USP9Y: variants seen among roughly 807,000 people sequenced by gnomAD.
USP9Y encodes the protein ubiquitin carboxyl-terminal hydrolase 9Y.
In USP9Y, 41 loss-of-function variants were observed where a neutral mutation model predicts 53.1. The ratio of observed to expected loss-of-function variants is 0.77; its 90% CI spans 0.60 to 1.00. The LOEUF (loss-of-function observed/expected upper bound fraction) is 1.00, where lower values mean the gene tolerates loss of function less well. USP9Y is among the 50% of genes least tolerant of loss of function. The pLI is 0.00. For synonymous variants in USP9Y, 220 were observed against 173.7 expected, an observed-to-expected ratio of 1.27 and a Z score of -2.09; for missense variants, 567 against 535.8, an observed-to-expected ratio of 1.06 and a Z score of -0.58.
At chrY:12,766,929 CT>C (rs2053480335) in intron 15 of USP9Y, among the ~76,000 whole-genome samples, 1 of 33,150 alleles carries the variant, frequency 3.0e-5, no homozygotes, top group Non-Finnish European at 7.4e-5. Flanking sequence ...CTTCACCTTC[CT>C]TTTTGCTGGG....
Position 12,796,888 on chromosome Y carries a change from T to C in USP9Y, c.3983+3687T>C, listed in dbSNP as rs750778556. On this transcript the variant is annotated intron_variant, in intron 27 of 45. Transcript: ENST00000338981. ...CAACCTGTTTCATCAGCAAGGTCTTTATGATCTGTATCTTGTACCAACCTC... is the reference window on the plus strand; with the variant it reads ...CAACCTGTTTCATCAGCAAGGTCTTCATGATCTGTATCTTGTACCAACCTC... 6.0e-4 allele frequency among the ~76,000 whole-genome samples: 20 copies of C among 33,255 alleles called. No homozygotes were observed. In the East Asian group the frequency reaches 0.014, roughly 23 times the overall value. The allele number at this position is 33,255 out of a possible 37,273, so 89.2% of individuals were successfully genotyped here.
intron 10 of USP9Y, among the ~76,000 whole-genome samples, chrY:12,737,127 A>G: frequency 9.6e-5 from 3 of 31,234 alleles, no homozygotes; most frequent in Non-Finnish European, 2.3e-4. Flanking sequence ...GGCGCCTGCA[A>G]CCACGCCTGG....
chrY:12,747,520 C>T (rs2148282845), intron 12 of USP9Y, among the ~76,000 whole-genome samples: 1 of 34,083 alleles, frequency 2.9e-5, no homozygotes, highest in Admixed American at 2.6e-4. Context: ...AAAAGAAAAA[C>T]ACCAGGGCCT....
At chrY:12,779,215 G>C (rs2053496363) in intron 21 of USP9Y, among the ~76,000 whole-genome samples, 1 of 32,492 alleles carries the variant, frequency 3.1e-5, no homozygotes, top group South Asian at 6.8e-4. Flanking sequence ...AGGGAGTGAG[G>C]TGCCTTTTGT....
chrY:12,816,091 A>G, intron 31 of USP9Y, 33 bp from the exon 32 acceptor site: 1 of 380,876 alleles, frequency 2.6e-6, no homozygotes, highest in Non-Finnish European at 3.7e-6. Flanking sequence ...CACTGTTTTC[A>G]TAGTATAAGC....
In USP9Y at chrY:12,740,140, G is replaced by A. The variant is rs777730784; in HGVS notation, c.1422+511G>A. Among the ~76,000 whole-genome samples, 3 of 33,527 alleles carry A rather than the reference G, an allele frequency of 8.9e-5. No homozygotes were observed. The East Asian group carries it at 2.3e-3, about 26-fold the overall frequency. The allele number at this position is 33,527 out of a possible 37,273, so 89.9% of individuals were successfully genotyped here. A position where few individuals can be genotyped will look rare whatever the true frequency, so the allele number is the denominator to read the frequency against. ...TATAAATCCATATGTCATTATTCAG[G>A]AATAAATATTTCAGTAAATAGTAAT... On this transcript the variant is annotated intron_variant, in intron 12 of 45. Coordinates refer to ENST00000338981, the MANE Select transcript of USP9Y (RefSeq NM_004654.4).
chrY:12,845,939 G>A (rs767882603), intron 39 of USP9Y, among the ~76,000 whole-genome samples: 1 of 32,969 alleles, frequency 3.0e-5, no homozygotes, highest in Non-Finnish European at 7.5e-5. Flanking sequence ...TGATCCACCC[G>A]CCTTGGCCTT....
intron 19 of USP9Y, among the ~76,000 whole-genome samples, 158 bp downstream of exon 19, chrY:12,777,018 A>T (rs2053493143): frequency 3.0e-5 from 1 of 33,592 alleles, no homozygotes; most frequent in Admixed American, 2.7e-4. Context: ...TATCTTTTTT[A>T]AAAAAGATGC....
At chrY:12,777,540 G>A in intron 19 of USP9Y, among the ~76,000 whole-genome samples, 1 of 33,067 alleles carries the variant, frequency 3.0e-5, no homozygotes, top group Non-Finnish European at 7.5e-5. Context: ...TGTTTATTTT[G>A]CATCTTACCT....
chrY:12,845,877 A>G, intron 39 of USP9Y, among the ~76,000 whole-genome samples: 2 of 32,332 alleles, frequency 6.2e-5, no homozygotes, highest in African/African-American at 2.4e-4. Flanking sequence ...TTTATAGTAG[A>G]GATGGGGTTT....
chrY:12,808,467 C>T, intron 27 of USP9Y, among the ~76,000 whole-genome samples: 2 of 33,581 alleles, frequency 6.0e-5, no homozygotes, highest in Admixed American at 5.4e-4. Flanking sequence ...GGTATGGTAA[C>T]ACCACAAGAC....
intron 16 of USP9Y, among the ~76,000 whole-genome samples, chrY:12,772,715 A>G: frequency 8.4e-5 from 2 of 23,759 alleles, no homozygotes; most frequent in African/African-American, 3.4e-4. Flanking sequence ...CTGTGAGCCA[A>G]GATTGTGCCA....
chrY:12,840,754 A>G, intron 36 of USP9Y, 140 bp downstream of exon 36: 1 of 195,651 alleles, frequency 5.1e-6, no homozygotes, highest in Non-Finnish European at 8.2e-6. Flanking sequence ...CTCATTTTAT[A>G]TGAATGTGTT....
intron 7 of USP9Y, among the ~76,000 whole-genome samples, chrY:12,729,873 T>C (rs2053445850): frequency 5.9e-5 from 2 of 33,892 alleles, no homozygotes; most frequent in South Asian, 6.4e-4. Flanking sequence ...ACGAGAATGT[T>C]TATTCTGCTA....
intron 12 of USP9Y, among the ~76,000 whole-genome samples, chrY:12,754,444 G>C (rs2053466623): frequency 6.3e-5 from 2 of 31,748 alleles, no homozygotes; most frequent in South Asian, 1.4e-3. Flanking sequence ...TTTAGGCTGG[G>C]ACTCAAACTT....
At chrY:12,820,094 AG>A (rs2053539740) in intron 33 of USP9Y, among the ~76,000 whole-genome samples, 1 of 32,648 alleles carries the variant, frequency 3.1e-5, no homozygotes, top group Admixed American at 2.8e-4. Flanking sequence ...TCAGCAACAG[AG>A]GGAGACCCTA....
rs759603386 is a variant in USP9Y, at chrY:12,841,147, G to T, written c.6212+14G>T. ...TGCCAGTGACTGGTACATGGTTTTG[G>T]ATTTCATTCTTATAGTACTTATAGT... On this transcript the variant is annotated intron_variant, in intron 37 of 45. Transcript: ENST00000338981. The T allele has an allele frequency of 2.5e-6, 1 of 392,907 alleles. No homozygotes were observed. Among genetic ancestry groups the T allele is most frequent in the Non-Finnish European group, 3.6e-6 (1 of 279,828 alleles).
intron 39 of USP9Y, among the ~76,000 whole-genome samples, chrY:12,844,189 A>T (rs2053564858): frequency 3.0e-5 from 1 of 33,008 alleles, no homozygotes; most frequent in African/African-American, 1.2e-4. Flanking sequence ...TGAAGATTTG[A>T]CTAAATTAGC....
chrY:12,754,161 T>C (rs2053466338), intron 12 of USP9Y, among the ~76,000 whole-genome samples: 1 of 30,588 alleles, frequency 3.3e-5, no homozygotes, highest in African/African-American at 1.3e-4. Context: ...TATACATATA[T>C]ACCAGTATAA....
Sources: allele counts gnomAD v4.1 joint callset (sites outside exome capture counted in the v4.1 genomes callset), GRCh38; gene constraint gnomAD v4.1.1; transcripts MANE v1.5; gene names NCBI Gene and HGNC (gene_info 2026-07-23, HGNC 2026-07-21).